QTMAN: variants seen among roughly 807,000 people sequenced by gnomAD.
QTMAN encodes queuosine-tRNA mannosyltransferase.
chr2:144,153,437 C>T, the QTMAN span, among the ~76,000 whole-genome samples: 2 of 152,108 alleles, frequency 1.3e-5, no homozygotes, highest in Admixed American at 6.5e-5. Flanking sequence ...AGGCTGGGCA[C>T]GGTGGCTCAT....
chr2:144,308,427 A>G, the QTMAN span, among the ~76,000 whole-genome samples: 1 of 152,056 alleles, frequency 6.6e-6, no homozygotes, highest in Admixed American at 6.6e-5. Flanking sequence ...AGCCTCCCAA[A>G]GTGCTGGGAT....
the QTMAN span, among the ~76,000 whole-genome samples, chr2:144,239,046 C>T: frequency 6.6e-6 from 1 of 151,744 alleles, no homozygotes; most frequent in Non-Finnish European, 1.5e-5. Context: ...CCACCAGAGA[C>T]ATACAACAAA....
chr2:144,142,930 G>A, the QTMAN span, among the ~76,000 whole-genome samples: 2 of 151,836 alleles, frequency 1.3e-5, no homozygotes, highest in African/African-American at 4.8e-5. Flanking sequence ...ACCATACTTC[G>A]AATACTGAAT....
the QTMAN span, chr2:144,178,209 T>C: frequency 1.3e-5 from 2 of 152,150 alleles, no homozygotes; most frequent in Non-Finnish European, 2.9e-5. Context: ...ACTCTAAAAT[T>C]TCCTAGTGGG....
At chr2:144,238,028 C>G in the QTMAN span, among the ~76,000 whole-genome samples, 1 of 152,320 alleles carries the variant, frequency 6.6e-6, no homozygotes, top group South Asian at 2.1e-4. Flanking sequence ...GTCACTCTGG[C>G]TGACATCTTG....
At chr2:144,175,111 A>G in the QTMAN span, among the ~76,000 whole-genome samples, 1 of 152,186 alleles carries the variant, frequency 6.6e-6, no homozygotes, top group African/African-American at 2.4e-5. Context: ...TTAAAACTGA[A>G]CAAATCAAGG....
the QTMAN span, chr2:143,970,657 G>A: frequency 6.5e-7 from 1 of 1,526,882 alleles, no homozygotes. Context: ...AGGTACCTGG[G>A]ACATCTGTGA....
the QTMAN span, among the ~76,000 whole-genome samples, chr2:143,971,823 A>G: frequency 1.1e-4 from 17 of 152,166 alleles, no homozygotes; most frequent in Non-Finnish European, 2.2e-4. Context: ...GCTATATGAA[A>G]TATGAAAATT....
chr2:143,976,878 C>T, the QTMAN span, among the ~76,000 whole-genome samples: 1 of 152,152 alleles, frequency 6.6e-6, no homozygotes, highest in Non-Finnish European at 1.5e-5. Flanking sequence ...TTTAACTTTG[C>T]TTTTTGAGGG....
At chr2:144,294,683 G>A in the QTMAN span, among the ~76,000 whole-genome samples, 6 of 151,956 alleles carry the variant, frequency 3.9e-5, no homozygotes, top group Admixed American at 3.9e-4. Context: ...GAGACTTATA[G>A]CTATATATAA....
At chr2:144,316,868 T>A in the QTMAN span, among the ~76,000 whole-genome samples, 1 of 152,224 alleles carries the variant, frequency 6.6e-6, no homozygotes, top group African/African-American at 2.4e-5. Flanking sequence ...AATGAGCCAC[T>A]AGCTGTATGA....
the QTMAN span, among the ~76,000 whole-genome samples, chr2:143,947,345 GAAGAAGGC>G: frequency 6.6e-6 from 1 of 152,120 alleles, no homozygotes; most frequent in Non-Finnish European, 1.5e-5. Context: ...TCCAACCAGA[GAAGAAGGC>G]TACTGTTTTC....
the QTMAN span, among the ~76,000 whole-genome samples, chr2:144,305,028 T>C: frequency 3.9e-5 from 6 of 152,228 alleles, no homozygotes; most frequent in Admixed American, 1.3e-4. Flanking sequence ...CTGACAAATA[T>C]GTTCTTGCAT....
chr2:144,022,277 T>C, the QTMAN span, among the ~76,000 whole-genome samples: 71 of 152,048 alleles, frequency 4.7e-4, no homozygotes, highest in Middle Eastern at 6.8e-3. Flanking sequence ...ATCTCTTTCC[T>C]ATTTTCTTTT....
the QTMAN span, among the ~76,000 whole-genome samples, chr2:144,132,653 CTCTA>C: frequency 1.3e-5 from 2 of 152,090 alleles, no homozygotes; most frequent in South Asian, 2.1e-4. Context: ...ATAAGACAGT[CTCTA>C]TCTTTTTATT....
the QTMAN span, among the ~76,000 whole-genome samples, chr2:144,307,159 TAA>T: frequency 2.0e-4 from 8 of 40,460 alleles, no homozygotes; most frequent in African/African-American, 1.0e-3. Flanking sequence ...GACTCCGTCT[TAA>T]AAAAAAAAAA....
At chr2:143,958,813 C>T in the QTMAN span, among the ~76,000 whole-genome samples, 3 of 145,678 alleles carry the variant, frequency 2.1e-5, no homozygotes, top group Non-Finnish European at 3.0e-5. Context: ...TACGTTTCCA[C>T]CTGACTCAAA....
chr2:144,255,455 C>T, the QTMAN span, among the ~76,000 whole-genome samples: 13 of 152,112 alleles, frequency 8.5e-5, no homozygotes, highest in East Asian at 1.7e-3. Context: ...GTTTTCCTGA[C>T]GCCTCTCCAG....
chr2:144,094,958 G>A, the QTMAN span, among the ~76,000 whole-genome samples: 1 of 152,150 alleles, frequency 6.6e-6, no homozygotes, highest in Non-Finnish European at 1.5e-5. Flanking sequence ...TATTCACTTT[G>A]TAAACCTAGC....
Sources: allele counts gnomAD v4.1 joint callset (sites outside exome capture counted in the v4.1 genomes callset), GRCh38; gene constraint gnomAD v4.1.1; transcripts MANE v1.5; gene names NCBI Gene and HGNC (gene_info 2026-07-23, HGNC 2026-07-21).